The following JPH3 variants were observed in gnomAD, a reference collection of about 807,000 sequenced individuals.
JPH3 encodes junctophilin 3.
JPH3 carries 11 observed loss-of-function variants against 59.6 expected under a neutral mutation model. That is an observed-to-expected ratio of 0.18 (90% CI 0.12 to 0.31). JPH3 has a LOEUF of 0.31. JPH3 is among the 10% of genes least tolerant of loss of function. The pLI is 1.00. For missense variants in JPH3, 1,202 were observed against 1,105.7 expected, an observed-to-expected ratio of 1.09 and a Z score of -1.24; for synonymous variants, 673 against 483.6, an observed-to-expected ratio of 1.39 and a Z score of -5.14.
chr16:87,690,343 C>T lies in JPH3; in HGVS notation c.1983C>T (p.Asn661=), dbSNP rs758331700. 3 of 1,573,872 alleles carry T rather than the reference C, an allele frequency of 1.9e-6. No individual in the cohort carries two copies. Among genetic ancestry groups the T allele is most frequent in the Middle Eastern group, 3.4e-4 (2 of 5,936 alleles). Residue 661 remains asparagine, a synonymous_variant, in exon 4 of 5, where the codon AAC becomes AAT. Transcript: ENST00000284262. ...AGAGACTGCGGTCCAAGGCCCAGAA[C>T]AAGGAGAACTTCAGGCCGGCCTCCT... is the stretch of plus-strand genomic sequence containing the variant. ...GVQRLRSKAQ[N]KENFRPASSA... is the part of the protein sequence containing the mutation.
intron 1 of JPH3, among the ~76,000 whole-genome samples, chr16:87,609,407 C>A (rs2030650655): frequency 6.6e-6 from 1 of 152,164 alleles, no homozygotes. Flanking sequence ...GCTGGGATTA[C>A]AGGCATACAC....
chr16:87,656,149 G>A (rs1395540779), intron 2 of JPH3, among the ~76,000 whole-genome samples: 1 of 152,224 alleles, frequency 6.6e-6, no homozygotes, highest in Non-Finnish European at 1.5e-5. Context: ...GAGCCCTGAG[G>A]GCGTCTCTGC....
Position 87,678,641 on chromosome 16 carries a change from G to C in JPH3, c.1161-5501G>C, listed in dbSNP as rs2033210374. Among the ~76,000 whole-genome samples the C allele has an allele frequency of 2.0e-5, 3 of 152,190 alleles. No individual in the cohort carries two copies. In the South Asian group the frequency reaches 6.2e-4, roughly 31 times the overall value. ...AATGGTGTCCCCAAAAGCTAGGTCT[G>C]CCTGGCAACTCACTTCCAACTTCTT... On this transcript the variant is annotated intron_variant, in intron 2 of 4. Transcript: ENST00000284262.
At chr16:87,619,145 A>G (rs988758477) in intron 1 of JPH3, among the ~76,000 whole-genome samples, 2 of 151,312 alleles carry the variant, frequency 1.3e-5, no homozygotes, top group Admixed American at 1.3e-4. Flanking sequence ...GCAAAACCCC[A>G]TTTCTATAAA....
intron 1 of JPH3, among the ~76,000 whole-genome samples, chr16:87,608,923 A>G (rs1415558356): frequency 6.6e-6 from 1 of 152,226 alleles, no homozygotes; most frequent in African/African-American, 2.4e-5. Context: ...CTGTGGTCCC[A>G]CCACTCAGGA....
intron 2 of JPH3, among the ~76,000 whole-genome samples, chr16:87,662,027 A>T (rs1223565542): frequency 6.6e-6 from 1 of 152,190 alleles, no homozygotes; most frequent in Non-Finnish European, 1.5e-5. Context: ...TTGTCTCACA[A>T]ATTTGATTTT....
At chr16:87,638,423 C>T (rs144964325) in intron 1 of JPH3, among the ~76,000 whole-genome samples, 44 of 152,256 alleles carry the variant, frequency 2.9e-4, no homozygotes, top group African/African-American at 1.1e-3. Flanking sequence ...ATGGCCGGAA[C>T]GCCAGAGGCT....
At chr16:87,669,871 A>C (rs1362100630) in intron 2 of JPH3, among the ~76,000 whole-genome samples, 1 of 151,424 alleles carries the variant, frequency 6.6e-6, no homozygotes, top group Non-Finnish European at 1.5e-5. Context: ...GGAGGAGCAG[A>C]GAGGTTGCAG....
At chr16:87,623,726 C>T (rs138749852) in intron 1 of JPH3, among the ~76,000 whole-genome samples, 125 of 152,274 alleles carry the variant, frequency 8.2e-4, no homozygotes, top group African/African-American at 2.9e-3. Flanking sequence ...TGGTCCTGGC[C>T]CGAACACTCC....
At chr16:87,658,169 A>C (rs1337101149) in intron 2 of JPH3, among the ~76,000 whole-genome samples, 1 of 152,024 alleles carries the variant, frequency 6.6e-6, no homozygotes, top group South Asian at 2.1e-4. Context: ...GGTATTCAGC[A>C]AACAGTGAAT....
At chr16:87,609,738 A>G (rs2030663426) in intron 1 of JPH3, among the ~76,000 whole-genome samples, 2 of 152,178 alleles carry the variant, frequency 1.3e-5, no homozygotes, top group African/African-American at 2.4e-5. Context: ...TTTCACCACC[A>G]TTCTCTTTAC....
chr16:87,680,629 C>A (rs374638489), intron 2 of JPH3, among the ~76,000 whole-genome samples: 4 of 151,934 alleles, frequency 2.6e-5, no homozygotes, highest in Non-Finnish European at 5.9e-5. Flanking sequence ...AGCTCAGATG[C>A]CCTCCCTGCC....
At chr16:87,636,205 C>G (rs1209006915) in intron 1 of JPH3, among the ~76,000 whole-genome samples, 2 of 152,170 alleles carry the variant, frequency 1.3e-5, no homozygotes, top group African/African-American at 4.8e-5. Flanking sequence ...TGGATCTTGA[C>G]CTTGGGAGAG....
chr16:87,602,578 T>TTGCTGC lies in JPH3; in HGVS notation c.-559_-554dup, dbSNP rs1261520006. 7.4e-6 allele frequency among the ~76,000 whole-genome samples: 1 copy of TTGCTGC among 135,588 alleles called. No individual in the cohort carries two copies. The highest frequency in any genetic ancestry group is 1.6e-5 in the Non-Finnish European group (1 of 61,930). 89.0% of individuals were successfully genotyped at this position (135,588 alleles called of 152,430 possible). On this transcript the variant is annotated 5_prime_UTR_variant, in exon 1 of 5. Transcript: ENST00000284262. ...CGCCGCCGCCGCCCGAGCCGCCGCA[T>TTGCTGC]TGCTGCTGCTGCTGCCGCCGCCGCC...
At chr16:87,652,006 G>C (rs151205935) in intron 2 of JPH3, among the ~76,000 whole-genome samples, 1 of 151,498 alleles carries the variant, frequency 6.6e-6, no homozygotes, top group Non-Finnish European at 1.5e-5. Flanking sequence ...ATGGAGTCTC[G>C]CTCTGTTGCC....
intron 1 of JPH3, among the ~76,000 whole-genome samples, chr16:87,628,129 T>G (rs1314321210): frequency 6.6e-6 from 1 of 152,218 alleles, no homozygotes; most frequent in African/African-American, 2.4e-5. Flanking sequence ...GGACAGTTCC[T>G]GCTCTCCCAG....
chr16:87,609,966 TG>T (rs372633994), intron 1 of JPH3, among the ~76,000 whole-genome samples: 17 of 152,198 alleles, frequency 1.1e-4, no homozygotes, highest in Admixed American at 7.9e-4. Flanking sequence ...GTAGAATCAG[TG>T]GGAGCCCTGA....
At position 87,645,046 on chromosome 16, in the gene JPH3, GA is replaced by G; in HGVS notation, c.1160+12del. On this transcript the variant is annotated intron_variant, in intron 2 of 4. Coordinates refer to ENST00000284262, the MANE Select transcript of JPH3 (RefSeq NM_020655.4). ...GATCGCGGCTTCCAGGTAGGAGGGCGAGGGGGCGGGGGGCCCTTCTTGGTGC... is the reference window on the plus strand; with the variant it reads ...GATCGCGGCTTCCAGGTAGGAGGGCGGGGGGCGGGGGGCCCTTCTTGGTGC... The G allele has an allele frequency of 6.3e-7, 1 of 1,593,750 alleles. No individual in the cohort carries two copies. The highest frequency in any genetic ancestry group is 8.5e-7 in the Non-Finnish European group (1 of 1,176,024).
chr16:87,669,423 G>T (rs965283460), intron 2 of JPH3, among the ~76,000 whole-genome samples: 4 of 152,218 alleles, frequency 2.6e-5, no homozygotes, highest in African/African-American at 9.6e-5. Context: ...GGGAAGAGCA[G>T]GTCTCTGCAA....
Sources: gnomAD v4.1 joint callset for allele counts (sites outside exome capture counted in the v4.1 genomes callset) on GRCh38, gnomAD v4.1.1 for gene constraint, MANE v1.5 for transcripts, NCBI Gene and HGNC (gene_info 2026-07-23, HGNC 2026-07-21) for gene names.